Variants in SAMD5 observed in about 807,000 individuals in gnomAD.
The protein encoded by SAMD5 is sterile alpha motif domain-containing protein 5.
A neutral mutation model predicts 11.3 loss-of-function variants in SAMD5; 13 were observed. The ratio of observed to expected loss-of-function variants is 1.15; its 90% confidence interval spans 0.75 to 1.83. SAMD5 has a LOEUF of 1.83. Among genes scored for constraint, SAMD5 ranks in the 40% most tolerant of loss-of-function variants. The probability of loss-of-function intolerance (pLI) is 0.00; values close to 1 mark genes in which losing one functional copy is unlikely to be tolerated. For missense variants in SAMD5, 255 were observed against 239.1 expected (o/e 1.07, Z -0.44); for synonymous variants, 129 against 111.3 (o/e 1.16, Z -1.00).
At chr6:147,603,909 T>C (rs553925489) in intron 1 of SAMD5, among the ~76,000 whole-genome samples, 1 of 152,316 alleles carries the variant, frequency 6.6e-6, no homozygotes, top group South Asian at 2.1e-4. Context: ...AGTCTCTGTA[T>C]GCTTCTAGCT....
At chr6:147,584,446 G>A (rs1238627483) in intron 1 of SAMD5, among the ~76,000 whole-genome samples, 3 of 152,116 alleles carry the variant, frequency 2.0e-5, no homozygotes, top group Admixed American at 6.5e-5. Context: ...CCACAGCATC[G>A]GAGTACTGGA....
At chr6:147,696,582 T>G (rs1240247085) in intron 1 of SAMD5, among the ~76,000 whole-genome samples, 2 of 152,160 alleles carry the variant, frequency 1.3e-5, no homozygotes, top group Non-Finnish European at 2.9e-5. Flanking sequence ...CTTCCCTTCC[T>G]GTGGATTCCC....
At chr6:147,835,423 A>G in the SAMD5 span, among the ~76,000 whole-genome samples, 1 of 152,048 alleles carries the variant, frequency 6.6e-6, no homozygotes, top group Non-Finnish European at 1.5e-5. Context: ...TTAAACAATT[A>G]CGGAGGAGCC....
At chr6:147,639,890 T>A (rs1790284652) in intron 1 of SAMD5, among the ~76,000 whole-genome samples, 1 of 151,914 alleles carries the variant, frequency 6.6e-6, no homozygotes, top group Admixed American at 6.6e-5. Context: ...TTTTTTTTTC[T>A]TTTCTATTAG....
intron 1 of SAMD5, among the ~76,000 whole-genome samples, chr6:147,639,018 G>A (rs1790272388): frequency 6.6e-6 from 1 of 152,188 alleles, no homozygotes; most frequent in South Asian, 2.1e-4. Flanking sequence ...TGGCTGACCT[G>A]GGTGAGTTCT....
chr6:147,714,750 C>G (rs73014081), intron 1 of SAMD5, among the ~76,000 whole-genome samples: 11,364 of 152,140 alleles, frequency 0.075, 480 homozygotes, highest in Middle Eastern at 0.11. Context: ...AATACAGATT[C>G]CTGGACTCTA....
intron 1 of SAMD5, among the ~76,000 whole-genome samples, chr6:147,588,613 A>T (rs183715113): frequency 8.5e-5 from 13 of 152,104 alleles, no homozygotes; most frequent in African/African-American, 3.1e-4. Context: ...GGCATGAGCC[A>T]CCGCGCCCAG....
At chr6:147,840,346 G>C in the SAMD5 span, among the ~76,000 whole-genome samples, 1 of 152,232 alleles carries the variant, frequency 6.6e-6, no homozygotes, top group African/African-American at 2.4e-5. Context: ...TCTTTTAGGA[G>C]CAGTTGCATA....
chr6:147,689,122 TC>T (rs1173465896), intron 1 of SAMD5, among the ~76,000 whole-genome samples: 6 of 152,118 alleles, frequency 3.9e-5, no homozygotes, highest in Non-Finnish European at 8.8e-5. Flanking sequence ...TTATTGAAAG[TC>T]CTAGAAAGTT....
At chr6:147,851,850 A>G in the SAMD5 span, among the ~76,000 whole-genome samples, 1 of 152,248 alleles carries the variant, frequency 6.6e-6, no homozygotes, top group Admixed American at 6.5e-5. Flanking sequence ...AATAAACTGC[A>G]TAATGAAAAA....
chr6:147,882,945 A>G, the SAMD5 span, among the ~76,000 whole-genome samples: 1 of 152,162 alleles, frequency 6.6e-6, no homozygotes, highest in Admixed American at 6.5e-5. Flanking sequence ...ACAGTTTCCC[A>G]TTTGGATCTC....
chr6:147,941,221 G>C, the SAMD5 span, among the ~76,000 whole-genome samples: 61 of 152,172 alleles, frequency 4.0e-4, 1 homozygote, highest in Admixed American at 1.5e-3. Context: ...GATGCAGCAC[G>C]CCATCAGGGA....
the SAMD5 span, among the ~76,000 whole-genome samples, chr6:147,902,530 T>C: frequency 6.6e-6 from 1 of 152,186 alleles, no homozygotes; most frequent in East Asian, 1.9e-4. Context: ...AGAATCTACA[T>C]GAACCTGTCA....
At chr6:147,624,976 T>A (rs1790029866) in intron 1 of SAMD5, among the ~76,000 whole-genome samples, 1 of 152,022 alleles carries the variant, frequency 6.6e-6, no homozygotes, top group African/African-American at 2.4e-5. Context: ...AACAATAAAA[T>A]AAAAACTGCC....
chr6:147,780,752 A>G, the SAMD5 span, among the ~76,000 whole-genome samples: 1 of 152,206 alleles, frequency 6.6e-6, no homozygotes, highest in Non-Finnish European at 1.5e-5. Context: ...CATATAATAA[A>G]TGTCTTTTAA....
At chr6:147,895,084 A>G in the SAMD5 span, among the ~76,000 whole-genome samples, 1 of 152,228 alleles carries the variant, frequency 6.6e-6, no homozygotes, top group African/African-American at 2.4e-5. Flanking sequence ...TCTAACATCA[A>G]GATATATAGG....
the SAMD5 span, among the ~76,000 whole-genome samples, chr6:147,762,968 G>A: frequency 6.6e-6 from 1 of 151,984 alleles, no homozygotes; most frequent in Non-Finnish European, 1.5e-5. Flanking sequence ...CAGAAATTGG[G>A]AATCATAGCT....
chr6:147,852,753 A>C, the SAMD5 span, among the ~76,000 whole-genome samples: 1 of 152,182 alleles, frequency 6.6e-6, no homozygotes, highest in Admixed American at 6.5e-5. Context: ...CAATTTCTTA[A>C]ATTAAAAAAT....
Position 147,567,422 on chromosome 6 carries a change from G to C in SAMD5, c.*2966G>C. The C allele has an allele frequency of 1.0e-6, 1 of 984,534 alleles. No homozygotes were observed. Among genetic ancestry groups the C allele is most frequent in the Non-Finnish European group, 1.2e-6 (1 of 829,124 alleles). The allele number at this position is 984,534 out of a possible 1,614,324, so 61.0% of individuals were successfully genotyped here. On this transcript the variant is annotated 3_prime_UTR_variant, in exon 2 of 2. Coordinates refer to ENST00000367474, the MANE Select transcript of SAMD5 (RefSeq NM_001030060.3). ...GAGTTTAAATTCTAAAATTATTCTAGTAGTATTTTCCTGCGGTGAATCTGT... is the reference window on the plus strand; with the variant it reads ...GAGTTTAAATTCTAAAATTATTCTACTAGTATTTTCCTGCGGTGAATCTGT...
Sources: allele counts gnomAD v4.1 joint callset (sites outside exome capture counted in the v4.1 genomes callset), GRCh38; gene constraint gnomAD v4.1.1; transcripts MANE v1.5; gene names NCBI Gene and HGNC (gene_info 2026-07-23, HGNC 2026-07-21).